The following NUBPL variants were observed in gnomAD, a reference collection of about 807,000 sequenced individuals.
NUBPL encodes the protein NUBP iron-sulfur cluster assembly factor, mitochondrial, also known as iron-sulfur cluster transfer protein NUBPL.
In NUBPL, 31 loss-of-function variants were observed where a neutral mutation model predicts 45.7. That is an observed-to-expected ratio of 0.68 (90% CI 0.51 to 0.92). The LOEUF is 0.92. Ranked by LOEUF, NUBPL falls within the 40% of genes least tolerant of loss-of-function variation. The probability of loss-of-function intolerance (pLI) is 0.00; values close to 1 mark genes in which losing one functional copy is unlikely to be tolerated. For missense variants in NUBPL, 401 were observed against 398.7 expected, an observed-to-expected ratio of 1.01 and a Z score of -0.05; for synonymous variants, 144 against 140.9, an observed-to-expected ratio of 1.02 and a Z score of -0.15.
chr14:31,653,273 A>G (rs577059428), intron 4 of NUBPL, among the ~76,000 whole-genome samples: 20 of 152,284 alleles, frequency 1.3e-4, no homozygotes, highest in Non-Finnish European at 2.4e-4. Context: ...TCTGACCTTA[A>G]ATTCACCAGG....
At chr14:31,793,224 C>G (rs967882904) in intron 7 of NUBPL, among the ~76,000 whole-genome samples, 1 of 152,044 alleles carries the variant, frequency 6.6e-6, no homozygotes, top group Non-Finnish European at 1.5e-5. Flanking sequence ...AGAAAAAAAC[C>G]CTTTGTACTC....
At chr14:31,770,449 A>T (rs1179438577) in intron 6 of NUBPL, among the ~76,000 whole-genome samples, 1 of 152,162 alleles carries the variant, frequency 6.6e-6, no homozygotes, top group South Asian at 2.1e-4. Context: ...GGTCTGAGTG[A>T]AGTCATCTGG....
At chr14:31,614,964 T>TTATCTACTTTGTAAGACTTTGTAA (rs2034857337) in intron 4 of NUBPL, among the ~76,000 whole-genome samples, 3 of 152,196 alleles carry the variant, frequency 2.0e-5, no homozygotes, top group Non-Finnish European at 4.4e-5. Context: ...GCCAGGAGTC[T>TTATCTACTTTGTAAGACTTTGTAA]GTTGTAAGAA....
Position 31,860,248 on chromosome 14 carries a change from A to T in NUBPL, c.*1068A>T, listed in dbSNP as rs1223330450. The T allele has an allele frequency of 1.5e-5, 2 of 131,818 alleles. No homozygotes were observed. Among genetic ancestry groups the T allele is most frequent in the African/African-American group, 5.4e-5 (2 of 37,108 alleles). The allele number at this position is 131,818 out of a possible 1,614,324, so 8.2% of individuals were successfully genotyped here. ...AACCCGGGAGGCTGAGGTTGCAGTG[A>T]GTGGAGATTGTACCACTGCACTCCA... On this transcript the variant is annotated 3_prime_UTR_variant, in exon 11 of 11. Transcript: ENST00000281081.
At chr14:31,726,233 C>G (rs960646162) in intron 6 of NUBPL, among the ~76,000 whole-genome samples, 2 of 152,090 alleles carry the variant, frequency 1.3e-5, no homozygotes, top group African/African-American at 4.8e-5. Flanking sequence ...AGGATTATGT[C>G]TTATAAAGAT....
chr14:31,681,625 G>T (rs2036836324), intron 6 of NUBPL, among the ~76,000 whole-genome samples: 1 of 151,624 alleles, frequency 6.6e-6, no homozygotes, highest in Non-Finnish European at 1.5e-5. Context: ...TAGCTCTTAA[G>T]GTAGGCAGTT....
intron 9 of NUBPL, among the ~76,000 whole-genome samples, 170 bp downstream of exon 9, chr14:31,846,761 C>A (rs886939459): frequency 5.9e-5 from 9 of 152,040 alleles, no homozygotes; most frequent in Non-Finnish European, 1.2e-4. Context: ...TCGAGACCAT[C>A]CTGGCTAACA....
At chr14:31,660,135 T>C (rs375450366) in intron 4 of NUBPL, among the ~76,000 whole-genome samples, 66 of 152,346 alleles carry the variant, frequency 4.3e-4, no homozygotes, top group African/African-American at 1.6e-3. Context: ...ATTTCCACTT[T>C]TAGATACAGC....
intron 4 of NUBPL, among the ~76,000 whole-genome samples, chr14:31,642,649 G>A (rs959109440): frequency 1.3e-5 from 2 of 152,056 alleles, no homozygotes; most frequent in African/African-American, 4.8e-5. Context: ...TTTGTGCTCA[G>A]GGTTGTTTTG....
intron 6 of NUBPL, among the ~76,000 whole-genome samples, chr14:31,711,380 C>T (rs76338574): frequency 2.6e-4 from 39 of 152,180 alleles, no homozygotes; most frequent in Admixed American, 1.8e-3. Context: ...GACAGGTGCC[C>T]GGTATTTAGC....
chr14:31,603,475 C>T (rs1352305675), intron 4 of NUBPL, among the ~76,000 whole-genome samples: 2 of 151,710 alleles, frequency 1.3e-5, no homozygotes, highest in Admixed American at 6.6e-5. Context: ...TTCCATTGTT[C>T]TAGAGAAAAT....
At chr14:31,580,173 T>G (rs1026346617) in intron 3 of NUBPL, among the ~76,000 whole-genome samples, 1 of 152,252 alleles carries the variant, frequency 6.6e-6, no homozygotes, top group Admixed American at 6.5e-5. Flanking sequence ...ACTTTACATG[T>G]GCTGTGTGCT....
chr14:31,801,568 C>A (rs1235389570), intron 7 of NUBPL, among the ~76,000 whole-genome samples: 1 of 152,104 alleles, frequency 6.6e-6, no homozygotes, highest in Non-Finnish European at 1.5e-5. Flanking sequence ...TGTCATTAAA[C>A]CTACAAACAG....
intron 7 of NUBPL, among the ~76,000 whole-genome samples, chr14:31,792,736 C>T (rs969325478): frequency 2.6e-5 from 4 of 151,604 alleles, no homozygotes; most frequent in Non-Finnish European, 4.4e-5. Context: ...AATGTCCTAC[C>T]AAAAAGGATG....
intron 4 of NUBPL, among the ~76,000 whole-genome samples, chr14:31,618,501 C>G (rs532132074): frequency 6.6e-6 from 1 of 152,296 alleles, no homozygotes; most frequent in African/African-American, 2.4e-5. Context: ...TTTCAAATAA[C>G]AAACTTCTTT....
chr14:31,712,976 T>C (rs576364349), intron 6 of NUBPL, among the ~76,000 whole-genome samples: 12 of 151,992 alleles, frequency 7.9e-5, no homozygotes, highest in African/African-American at 2.9e-4. Flanking sequence ...ACATAGGAAT[T>C]AGGGAGGGGT....
intron 6 of NUBPL, among the ~76,000 whole-genome samples, chr14:31,749,090 A>G (rs190588543): frequency 3.9e-5 from 6 of 152,276 alleles, no homozygotes; most frequent in Admixed American, 6.5e-5. Context: ...CAATCACTCT[A>G]TATCTTTAAT....
intron 4 of NUBPL, among the ~76,000 whole-genome samples, chr14:31,631,681 G>C (rs1361684488): frequency 1.3e-5 from 2 of 152,064 alleles, no homozygotes; most frequent in Non-Finnish European, 2.9e-5. Context: ...ATTCCAGTCT[G>C]AGTCCAAGTC....
rs1183053660 is a variant in NUBPL at position 31,673,405 on chromosome 14, A to G, written c.422+11A>G. On this transcript the variant is annotated intron_variant, in intron 5 of 10. Coordinates refer to ENST00000281081, the MANE Select transcript of NUBPL (RefSeq NM_025152.3). Reference sequence around the variant, plus strand: ...TTATGGTATTGCTTGGTGAGCATATATATATTTTTAATGTTACTTTTCAGA... The same window carrying G: ...TTATGGTATTGCTTGGTGAGCATATGTATATTTTTAATGTTACTTTTCAGA... 4 of 1,607,378 alleles carry G rather than the reference A, an allele frequency of 2.5e-6. No homozygotes were observed. Among genetic ancestry groups the G allele is most frequent in the African/African-American group, 1.3e-5 (1 of 74,594 alleles).
Sources: gnomAD v4.1 joint callset for allele counts (sites outside exome capture counted in the v4.1 genomes callset) on GRCh38, gnomAD v4.1.1 for gene constraint, MANE v1.5 for transcripts, NCBI Gene and HGNC (gene_info 2026-07-23, HGNC 2026-07-21) for gene names.